Variants in WIF1 observed in about 807,000 individuals in gnomAD.
WIF1 encodes the protein Wnt inhibitory factor 1.
A neutral mutation model predicts 53.5 loss-of-function variants in WIF1; 35 were observed. The ratio of observed to expected loss-of-function variants is 0.65; its 90% confidence interval spans 0.50 to 0.87. The LOEUF (loss-of-function observed/expected upper bound fraction) is 0.87, where lower values mean the gene tolerates loss of function less well. Among genes scored for constraint, WIF1 ranks in the 40% least tolerant of loss-of-function variants. The pLI, the probability that WIF1 is intolerant of heterozygous loss-of-function variation, is 0.00. For missense variants in WIF1, 467 were observed against 476.8 expected, an observed-to-expected ratio of 0.98 and a Z score of 0.19; for synonymous variants, 171 against 170.4, an observed-to-expected ratio of 1.00 and a Z score of -0.03.
chr12:65,066,125 A>T (rs1429446498), intron 6 of WIF1, among the ~76,000 whole-genome samples: 4 of 152,188 alleles, frequency 2.6e-5, no homozygotes, highest in African/African-American at 4.8e-5. Context: ...CCCGTTATGT[A>T]ATATGAGATG....
At chr12:65,086,460 C>T (rs1467625759) in intron 2 of WIF1, among the ~76,000 whole-genome samples, 1 of 152,092 alleles carries the variant, frequency 6.6e-6, no homozygotes, top group Non-Finnish European at 1.5e-5. Flanking sequence ...AATGTCATTA[C>T]AAGTGGTGTG....
Position 65,062,469 on chromosome 12 carries a change from G to A in WIF1, c.826+12C>T, listed in dbSNP as rs1339066278. 2 of 1,599,166 alleles carry A rather than the reference G, an allele frequency of 1.3e-6. No individual in the cohort carries two copies. The highest frequency in any genetic ancestry group is 2.2e-5 in the South Asian group (2 of 88,936). On this transcript the variant is annotated intron_variant, in intron 7 of 9. Coordinates refer to ENST00000286574, the MANE Select transcript of WIF1 (RefSeq NM_007191.5). The stretch of plus-strand genomic sequence containing the variant: ...TCCCCAAGTCAAAAGAACGCAGAAA[G>A]TCAATACTCACTGATTTCACACTGC...
intron 2 of WIF1, among the ~76,000 whole-genome samples, chr12:65,096,988 C>T (rs1883214189): frequency 6.7e-6 from 1 of 148,652 alleles, no homozygotes; most frequent in Admixed American, 6.8e-5. Flanking sequence ...GTGTAACAAA[C>T]CTGCACGTTC....
chr12:65,067,717 G>A lies in WIF1; in HGVS notation c.612C>T (p.Phe204=), dbSNP rs1882708831. Residue 204 remains phenylalanine (F), a synonymous_variant, in exon 5 of 10, where the codon TTC becomes TTT. Transcript: ENST00000286574. ...ERRICECPDG[F]HGPHCEKALC... ...TACCTTTCTCACAGTGAGGTCCGTG[G>A]AACCCATCAGGACACTCGCAGATGC... 2 of 1,613,194 alleles carry A rather than the reference G, an allele frequency of 1.2e-6. No individual in the cohort carries two copies. Among genetic ancestry groups the A allele is most frequent in the African/African-American group, 2.7e-5 (2 of 74,878 alleles).
intron 3 of WIF1, among the ~76,000 whole-genome samples, chr12:65,074,833 A>AG (rs1555186496): frequency 7.0e-6 from 1 of 142,588 alleles, no homozygotes; most frequent in African/African-American, 2.5e-5. Context: ...AAAAAAAAAA[A>AG]AAAAAGAAAA....
intron 2 of WIF1, among the ~76,000 whole-genome samples, chr12:65,116,847 C>T (rs1309453083): frequency 7.0e-6 from 1 of 142,170 alleles, no homozygotes. Context: ...GCAGGAGAAT[C>T]GTTTGAACCT....
At chr12:65,098,131 C>A (rs1883231333) in intron 2 of WIF1, among the ~76,000 whole-genome samples, 1 of 152,164 alleles carries the variant, frequency 6.6e-6, no homozygotes, top group Admixed American at 6.6e-5. Context: ...TTTATGAACA[C>A]AGACTTTTAG....
At chr12:65,070,055 T>G (rs2136616803) in intron 3 of WIF1, among the ~76,000 whole-genome samples, 1 of 152,274 alleles carries the variant, frequency 6.6e-6, no homozygotes, top group South Asian at 2.1e-4. Flanking sequence ...CCTTTTAGAG[T>G]GTCGATAAAC....
chr12:65,083,458 C>T (rs1218987473), intron 2 of WIF1, among the ~76,000 whole-genome samples: 2 of 152,158 alleles, frequency 1.3e-5, no homozygotes, highest in Non-Finnish European at 2.9e-5. Context: ...CTGTGACACT[C>T]TTCTGATTCT....
At chr12:65,070,641 T>G (rs1285890908) in intron 3 of WIF1, among the ~76,000 whole-genome samples, 1 of 152,152 alleles carries the variant, frequency 6.6e-6, no homozygotes. Context: ...TTTCAGAATC[T>G]TCCTCACTGG....
intron 2 of WIF1, among the ~76,000 whole-genome samples, chr12:65,083,037 C>T (rs1882973181): frequency 6.6e-6 from 1 of 152,094 alleles, no homozygotes; most frequent in South Asian, 2.1e-4. Flanking sequence ...CACACAAAAG[C>T]TGTAAGGTTT....
At chr12:65,100,075 A>C (rs1464681643) in intron 2 of WIF1, among the ~76,000 whole-genome samples, 1 of 152,196 alleles carries the variant, frequency 6.6e-6, no homozygotes, top group Non-Finnish European at 1.5e-5. Context: ...ATACAAAGAA[A>C]CTCATAAAAA....
At chr12:65,092,649 G>T (rs1198874965) in intron 2 of WIF1, among the ~76,000 whole-genome samples, 6 of 151,898 alleles carry the variant, frequency 4.0e-5, no homozygotes, top group African/African-American at 9.7e-5. Flanking sequence ...AGAGCAGAGG[G>T]AATGCTTAGT....
chr12:65,101,759 T>C (rs990515178), intron 2 of WIF1, among the ~76,000 whole-genome samples: 6 of 152,188 alleles, frequency 3.9e-5, no homozygotes, highest in African/African-American at 1.4e-4. Flanking sequence ...GAAATACTTG[T>C]CTGAGGGCTC....
chr12:65,093,671 T>TAC (rs1218665167), intron 2 of WIF1, among the ~76,000 whole-genome samples: 1 of 151,978 alleles, frequency 6.6e-6, no homozygotes, highest in Non-Finnish European at 1.5e-5. Context: ...AAAAAATACA[T>TAC]ACACACACAC....
At position 65,067,755 on chromosome 12, in the gene WIF1, A is replaced by T. The variant is rs1046933839; in HGVS notation, c.574T>A (p.Cys192Ser). The T allele has an allele frequency of 6.2e-7, 1 of 1,613,358 alleles. No homozygotes were observed. Among genetic ancestry groups the T allele is most frequent in the Admixed American group, 1.7e-5 (1 of 59,948 alleles). Residue 192 changes from cysteine to serine, a missense_variant, in exon 5 of 10, where the codon TGT becomes AGT. Cys to Ser is a moderately radical substitution (Grantham distance 112, BLOSUM62 -1). Transcript: ENST00000286574. ...CPGGCRNGGF[C>S]NERRICECPD... Reference sequence around the variant, plus strand: ...CACTCGCAGATGCGTCTTTCATTACAAAAGCCTCCATTTCGGCACCCGCCT... The same window carrying T: ...CACTCGCAGATGCGTCTTTCATTACTAAAGCCTCCATTTCGGCACCCGCCT...
intron 2 of WIF1, among the ~76,000 whole-genome samples, chr12:65,114,214 A>G (rs1883476440): frequency 6.6e-6 from 1 of 152,098 alleles, no homozygotes; most frequent in Admixed American, 6.5e-5. Flanking sequence ...AAAGGGAAAA[A>G]AAACCACACT....
intron 7 of WIF1, among the ~76,000 whole-genome samples, chr12:65,060,175 A>T (rs1303823236): frequency 6.6e-6 from 1 of 152,120 alleles, no homozygotes; most frequent in Non-Finnish European, 1.5e-5. Context: ...TCACCACGTG[A>T]CCCAGCAATT....
At chr12:65,060,001 G>A (rs767224879) in intron 7 of WIF1, among the ~76,000 whole-genome samples, 19 of 149,392 alleles carry the variant, frequency 1.3e-4, no homozygotes, top group Non-Finnish European at 2.5e-4. Flanking sequence ...AATAAACATG[G>A]CATCGGAGTA....
Sources: allele counts gnomAD v4.1 joint callset (sites outside exome capture counted in the v4.1 genomes callset), GRCh38; gene constraint gnomAD v4.1.1; transcripts MANE v1.5; gene names NCBI Gene and HGNC (gene_info 2026-07-23, HGNC 2026-07-21).